The following COPB2 variants were observed in gnomAD, a reference collection of about 807,000 sequenced individuals.
COPB2 encodes the protein coat protein complex I subunit beta 2.
COPB2 carries 16 observed loss-of-function variants against 120.8 expected under a neutral mutation model. That is an observed-to-expected ratio of 0.13 (90% CI 0.09 to 0.20). COPB2 has a LOEUF of 0.20. COPB2 is among the 10% of genes least tolerant of loss of function. COPB2 has a pLI of 1.00. For missense variants in COPB2, 794 were observed against 1,076.5 expected, an observed-to-expected ratio of 0.74 and a Z score of 3.67; for synonymous variants, 332 against 366.3, an observed-to-expected ratio of 0.91 and a Z score of 1.07.
intron 4 of COPB2, 72 bp downstream of exon 4, chr3:139,378,975 C>A: frequency 6.9e-7 from 1 of 1,446,574 alleles, no homozygotes; most frequent in Admixed American, 2.5e-5. Flanking sequence ...GCAGTTAAAG[C>A]ATAGCATGTC....
intron 1 of COPB2, chr3:139,388,295 C>CACAG (rs1941964375): frequency 6.6e-6 from 1 of 150,394 alleles, no homozygotes; most frequent in Non-Finnish European, 1.5e-5. Context: ...TTCGGCAGCA[C>CACAG]ATAGAGAGGA....
chr3:139,372,042 T>C (rs945929515), intron 9 of COPB2, among the ~76,000 whole-genome samples: 2 of 152,212 alleles, frequency 1.3e-5, no homozygotes, highest in African/African-American at 4.8e-5. Context: ...AAGGAAATTA[T>C]GAATATGGCA....
At position 139,359,235 on chromosome 3, in the gene COPB2, T is replaced by C. The variant is rs1941363319; in HGVS notation, c.2303+35A>G. The C allele has an allele frequency of 2.5e-6, 4 of 1,612,386 alleles. No individual in the cohort carries two copies. The South Asian group carries it at 3.3e-5, about 13-fold the overall frequency. ...CTAAGTAAATGTGCTCTCTTTTTAT[T>C]GGAAACATTTCTTCCTAAAATTAAA... is the stretch of plus-strand genomic sequence containing the variant. On this transcript the variant is annotated intron_variant, in intron 18 of 21. Transcript: ENST00000333188.
chr3:139,386,649 T>C (rs1299516043), intron 1 of COPB2, among the ~76,000 whole-genome samples: 1 of 152,146 alleles, frequency 6.6e-6, no homozygotes, highest in African/African-American at 2.4e-5. Context: ...TAAATCTCTA[T>C]GGAGTCAACA....
At chr3:139,389,680 C>T (rs1942018815), upstream of COPB2, 8 of 1,013,584 alleles carry the variant, frequency 7.9e-6, no homozygotes, top group Middle Eastern at 2.2e-4. Context: ...TCGCGATAGT[C>T]AGAGGCCAGG....
intron 13 of COPB2, 105 bp from the exon 14 acceptor site, chr3:139,367,250 G>T (rs1423072847): frequency 1.4e-5 from 18 of 1,247,182 alleles, no homozygotes; most frequent in East Asian, 2.6e-5. Context: ...GGAATGCAAA[G>T]TAAAATCCTT....
intron 9 of COPB2, among the ~76,000 whole-genome samples, chr3:139,372,123 G>C (rs879303231): frequency 8.5e-5 from 13 of 152,188 alleles, no homozygotes; most frequent in Non-Finnish European, 1.6e-4. Context: ...GGTGAGAATG[G>C]CTGGAAATGC....
At chr3:139,388,497 C>CTCTGTTT (rs1941976863) in intron 1 of COPB2, 2 of 151,370 alleles carry the variant, frequency 1.3e-5, no homozygotes, top group African/African-American at 2.4e-5. Context: ...CTAACTTTTT[C>CTCTGTTT]CTAGTTCCAA....
intron 10 of COPB2, among the ~76,000 whole-genome samples, chr3:139,371,239 G>A (rs185236191): frequency 1.3e-5 from 2 of 152,240 alleles, no homozygotes; most frequent in Admixed American, 6.5e-5. Flanking sequence ...TGTTAAGAAT[G>A]GGCAGTGGGT....
chr3:139,373,176 A>G, intron 9 of COPB2, 37 bp downstream of exon 9: 2 of 1,599,850 alleles, frequency 1.3e-6, no homozygotes, highest in Non-Finnish European at 1.7e-6. Context: ...GTTCTAACAT[A>G]CACAGAAGCT....
In COPB2 at chr3:139,365,158, C is replaced by A. The variant is rs145935057; in HGVS notation, c.1884+1410G>T. 5.2e-4 allele frequency among the ~76,000 whole-genome samples: 79 copies of A among 152,142 alleles called. No individual in the cohort carries two copies. In the East Asian group the frequency reaches 0.015, roughly 28 times the overall value. On this transcript the variant is annotated intron_variant, in intron 15 of 21. Coordinates refer to ENST00000333188, the MANE Select transcript of COPB2 (RefSeq NM_004766.3). The stretch of plus-strand genomic sequence containing the variant: ...CTTCAGAAATGTAGGACATAAGTTT[C>A]CCATTAAAAAAGCTCATCTAATAAC...
intron 2 of COPB2, 93 bp from the exon 3 acceptor site, chr3:139,379,559 C>A (rs1941771246): frequency 3.0e-6 from 3 of 1,013,858 alleles, no homozygotes; most frequent in Admixed American, 2.3e-5. Context: ...TTTTTAAGAT[C>A]ACTTCTCATT....
chr3:139,381,939 C>T (rs780771807), intron 2 of COPB2: 3 of 146,938 alleles, frequency 2.0e-5, no homozygotes, highest in Non-Finnish European at 3.0e-5. Flanking sequence ...AAAGCAAAAA[C>T]AATTCACAAG....
intron 15 of COPB2, among the ~76,000 whole-genome samples, chr3:139,364,000 G>A (rs1387971920): frequency 1.3e-5 from 2 of 152,030 alleles, no homozygotes; most frequent in Non-Finnish European, 2.9e-5. Context: ...ATATACTTTT[G>A]TTTTCTGCTA....
At chr3:139,385,730 T>C (rs558509941) in intron 1 of COPB2, among the ~76,000 whole-genome samples, 140 of 152,378 alleles carry the variant, frequency 9.2e-4, no homozygotes, top group African/African-American at 3.1e-3. Flanking sequence ...ACAGAACAGA[T>C]AATTATTTGA....
intron 1 of COPB2, among the ~76,000 whole-genome samples, chr3:139,388,036 G>T (rs541217280): frequency 3.3e-5 from 5 of 152,008 alleles, no homozygotes; most frequent in African/African-American, 1.2e-4. Flanking sequence ...TTCCACAAAG[G>T]ATTTAAAATA....
rs373805580 is a variant in COPB2, at chr3:139,358,982, C to T, written c.2484+16G>A. ...TGTAGTTACAATAAATGAAGCTTGA[C>T]ATCCTGGCCACTCACCGTGACAAGT... On this transcript the variant is annotated intron_variant, in intron 19 of 21. Coordinates refer to ENST00000333188, the MANE Select transcript of COPB2 (RefSeq NM_004766.3). 17 of 1,607,718 alleles carry T rather than the reference C, an allele frequency of 1.1e-5. No individual in the cohort carries two copies. Among genetic ancestry groups the T allele is most frequent in the Non-Finnish European group, 1.4e-5 (17 of 1,177,506 alleles).
intron 13 of COPB2, 105 bp downstream of exon 13, chr3:139,368,040 C>T (rs1941550833): frequency 2.3e-6 from 3 of 1,280,188 alleles, no homozygotes; most frequent in Non-Finnish European, 3.1e-6. Context: ...TGCTGTCTCC[C>T]TACACCTAAT....
chr3:139,368,255 T>C lies in COPB2; in HGVS notation c.1435A>G (p.Ile479Val). 1 of 1,613,452 alleles carries C rather than the reference T, an allele frequency of 6.2e-7. No homozygotes were observed. Among genetic ancestry groups the C allele is most frequent in the East Asian group, 2.2e-5 (1 of 44,842 alleles). ...ATAAAAAATGATTCCTCAGTAGCAA[T>C]ACAGACTAGCTCTCCAGAGTCAGAC... The part of the protein sequence containing the change: ...FWSDSGELVC[I>V]ATEESFFILK... The change falls in exon 13 of 22, where the codon ATT becomes GTT. Residue 479 changes from isoleucine (I) to valine (V), a missense_variant. Coordinates refer to ENST00000333188, the MANE Select transcript of COPB2 (RefSeq NM_004766.3).
Sources: gnomAD v4.1 joint callset for allele counts (sites outside exome capture counted in the v4.1 genomes callset) on GRCh38, gnomAD v4.1.1 for gene constraint, MANE v1.5 for transcripts, NCBI Gene and HGNC (gene_info 2026-07-23, HGNC 2026-07-21) for gene names.